RGMB: variants seen among roughly 807,000 people sequenced by gnomAD.
RGMB encodes repulsive guidance molecule B.
A neutral mutation model predicts 26.9 loss-of-function variants in RGMB; 16 were observed. The ratio of observed to expected loss-of-function variants is 0.60; its 90% confidence interval spans 0.40 to 0.90. The LOEUF is 0.90. Among genes scored for constraint, RGMB ranks in the 40% least tolerant of loss-of-function variants. RGMB has a pLI of 0.00. For synonymous variants in RGMB, 225 were observed against 229.3 expected (o/e 0.98, Z 0.17); for missense variants, 512 against 573.3 (o/e 0.89, Z 1.09).
chr5:98,792,845 G>C (rs970544679), intron 2 of RGMB: 3 of 324,888 alleles, frequency 9.2e-6, no homozygotes, highest in African/African-American at 2.1e-5. Context: ...TCTTAGGAAA[G>C]TAAAAAAGTT....
At chr5:98,785,284 C>G (rs1213735114) in intron 2 of RGMB, among the ~76,000 whole-genome samples, 1 of 152,204 alleles carries the variant, frequency 6.6e-6, no homozygotes, top group Non-Finnish European at 1.5e-5. Flanking sequence ...TCAATCTAAG[C>G]ACATAACTAA....
At chr5:98,787,394 G>A (rs983253532) in intron 2 of RGMB, among the ~76,000 whole-genome samples, 1 of 152,220 alleles carries the variant, frequency 6.6e-6, no homozygotes, top group Non-Finnish European at 1.5e-5. Context: ...CGGGTCTGTA[G>A]TCCTGCCACC....
chr5:98,774,151 C>A lies in RGMB; in HGVS notation c.81C>A (p.Pro27=). The A allele has an allele frequency of 3.3e-6, 5 of 1,497,542 alleles. No individual in the cohort carries two copies. Among genetic ancestry groups the A allele is most frequent in the Non-Finnish European group, 4.4e-6 (5 of 1,129,540 alleles). The allele number at this position is 1,497,542 out of a possible 1,614,324, so 92.8% of individuals were successfully genotyped here. A position where few individuals can be genotyped will look rare whatever the true frequency, so the allele number is the denominator to read the frequency against. The change falls in exon 1 of 3, where the codon CCC becomes CCA. Residue 27 remains proline (P), a synonymous_variant. Transcript: ENST00000513185. ...AGCGCCGCAGCCCCGGGCTCTGCCCCCCGCCGCTGGAGCTGCTGCTGCTGC... is the reference window on the plus strand; with the variant it reads ...AGCGCCGCAGCCCCGGGCTCTGCCCACCGCCGCTGGAGCTGCTGCTGCTGC... The part of the protein sequence containing the change: ...VEQRRSPGLC[P]PPLELLLLLL...
chr5:98,773,942 CG>C lies in RGMB; in HGVS notation c.-126del. Reference sequence around the variant, plus strand: ...CGGTGGTGGCGCCCCATCTGCTACACGGGCCTGAAGAAGGAAGAAGAGGAAG... The same window carrying C: ...CGGTGGTGGCGCCCCATCTGCTACACGGCCTGAAGAAGGAAGAAGAGGAAG... On this transcript the variant is annotated 5_prime_UTR_variant, in exon 1 of 3. The change abolishes the stop of an existing upstream ORF in the 5' untranslated region. Coordinates refer to ENST00000513185, the MANE Select transcript of RGMB (RefSeq NM_001366508.1). 8.3e-6 allele frequency: 5 copies of C among 601,010 alleles called. No homozygotes were observed. The highest frequency in any genetic ancestry group is 1.5e-5 in the Non-Finnish European group (5 of 333,664). 37.2% of individuals were successfully genotyped at this position (601,010 alleles called of 1,614,324 possible).
chr5:98,779,432 T>G, intron 1 of RGMB, 148 bp from the exon 2 acceptor site: 1 of 711,700 alleles, frequency 1.4e-6, no homozygotes, highest in South Asian at 4.6e-5. Flanking sequence ...AGGAACACAA[T>G]GAAACCCTGT....
chr5:98,790,071 A>G (rs910763678), intron 2 of RGMB, among the ~76,000 whole-genome samples: 11 of 152,256 alleles, frequency 7.2e-5, no homozygotes, highest in Admixed American at 2.6e-4. Flanking sequence ...CTTGCCCTTC[A>G]TTGGCTGAGT....
At chr5:98,792,057 T>C (rs74747278) in intron 2 of RGMB, among the ~76,000 whole-genome samples, 5,233 of 152,300 alleles carry the variant, frequency 0.034, 133 homozygotes, top group Middle Eastern at 0.088. Context: ...GTTTAGGGTA[T>C]TCAGTCTCTG....
intron 2 of RGMB, among the ~76,000 whole-genome samples, chr5:98,789,701 G>A (rs992634151): frequency 1.2e-4 from 18 of 148,176 alleles, no homozygotes; most frequent in African/African-American, 8.0e-5. Flanking sequence ...TGGGGGTTGA[G>A]AGGGGCTGGG....
Position 98,790,937 on chromosome 5 carries a change from G to T in RGMB, c.646-2148G>T, listed in dbSNP as rs559489712. Among the ~76,000 whole-genome samples the T allele has an allele frequency of 2.9e-3, 437 of 151,976 alleles. 2 individuals are homozygous for T. The highest frequency in any genetic ancestry group is 0.01 in the African/African-American group (426 of 41,454). ...TATTGTTGACTTTCAACTTTTTCAG[G>T]TGCAAAATTTTCTTGAATCAATCTT... On this transcript the variant is annotated intron_variant, in intron 2 of 2. Transcript: ENST00000513185.
In RGMB at chr5:98,774,141, G is replaced by A. The variant is rs921279140; in HGVS notation, c.71G>A (p.Gly24Glu). Residue 24 changes from glycine to glutamate, a missense_variant, in exon 1 of 3, where the codon GGG becomes GAG. Coordinates refer to ENST00000513185, the MANE Select transcript of RGMB (RefSeq NM_001366508.1). Reference sequence around the variant, plus strand: ...GAGGTTGAGCAGCGCCGCAGCCCCGGGCTCTGCCCCCCGCCGCTGGAGCTG... The same window carrying A: ...GAGGTTGAGCAGCGCCGCAGCCCCGAGCTCTGCCCCCCGCCGCTGGAGCTG... ...AAEVEQRRSPGLCPPPLELLL... is the reference protein window; with the variant it reads ...AAEVEQRRSPELCPPPLELLL... The A allele has an allele frequency of 2.1e-4, 312 of 1,488,572 alleles. 2 individuals are homozygous for A. The highest frequency in any genetic ancestry group is 9.5e-4 in the Admixed American group (45 of 47,614). The allele number at this position is 1,488,572 out of a possible 1,614,324, so 92.2% of individuals were successfully genotyped here. A position where few individuals can be genotyped will look rare whatever the true frequency, so the allele number is the denominator to read the frequency against.
chr5:98,790,419 G>GT (rs1173814751), intron 2 of RGMB, among the ~76,000 whole-genome samples: 1 of 152,162 alleles, frequency 6.6e-6, no homozygotes, highest in African/African-American at 2.4e-5. Flanking sequence ...AATCTTTTAG[G>GT]TTAACTAGGA....
chr5:98,784,766 T>TC (rs1746719843), intron 2 of RGMB, among the ~76,000 whole-genome samples: 1 of 152,258 alleles, frequency 6.6e-6, no homozygotes, highest in African/African-American at 2.4e-5. Flanking sequence ...CCATGTGAGC[T>TC]ACATAGTGTT....
chr5:98,783,632 CTG>C (rs1453660576), intron 2 of RGMB, among the ~76,000 whole-genome samples: 2 of 152,152 alleles, frequency 1.3e-5, no homozygotes, highest in Non-Finnish European at 2.9e-5. Flanking sequence ...CTTTATATCT[CTG>C]TTTAAGTGGG....
chr5:98,774,225 AG>A lies in RGMB; in HGVS notation c.136+23del. The A allele has an allele frequency of 7.1e-7, 1 of 1,403,400 alleles. No homozygotes were observed. The highest frequency in any genetic ancestry group is 9.2e-7 in the Non-Finnish European group (1 of 1,085,412). 86.9% of individuals were successfully genotyped at this position (1,403,400 alleles called of 1,614,324 possible). A position where few individuals can be genotyped will look rare whatever the true frequency, so the allele number is the denominator to read the frequency against. ...CACGCAGGTAGGACGGGAGCGCGCG[AG>A]GGGAGCCAGCCCCGGGGCCTAGGGC... On this transcript the variant is annotated intron_variant, in intron 1 of 2. Coordinates refer to ENST00000513185, the MANE Select transcript of RGMB (RefSeq NM_001366508.1).
chr5:98,786,698 T>G (rs1048436016), intron 2 of RGMB, among the ~76,000 whole-genome samples: 2 of 152,216 alleles, frequency 1.3e-5, no homozygotes, highest in Non-Finnish European at 2.9e-5. Flanking sequence ...TGGGGTAACT[T>G]AAGGACTTTT....
chr5:98,787,032 G>T (rs1360731722), intron 2 of RGMB, among the ~76,000 whole-genome samples: 5 of 151,866 alleles, frequency 3.3e-5, no homozygotes, highest in Non-Finnish European at 5.9e-5. Flanking sequence ...ATGGGGGTCA[G>T]TTTCCATTTA....
chr5:98,777,207 T>C (rs755849760), intron 1 of RGMB, among the ~76,000 whole-genome samples: 2 of 152,190 alleles, frequency 1.3e-5, no homozygotes, highest in Non-Finnish European at 2.9e-5. Context: ...ATTTCCATAC[T>C]GTTCGTTTGA....
chr5:98,781,058 T>C (rs911755039), intron 2 of RGMB: 2 of 152,266 alleles, frequency 1.3e-5, no homozygotes, highest in African/African-American at 4.8e-5. Context: ...TTTAGTTTTT[T>C]AATGTAATTG....
At chr5:98,770,693 T>C, upstream of RGMB, 11 of 1,427,492 alleles carry the variant, frequency 7.7e-6, no homozygotes, top group Non-Finnish European at 1.0e-5. Flanking sequence ...GGCACTTGAT[T>C]TCTCAAGTCG....
Sources: allele counts gnomAD v4.1 joint callset (sites outside exome capture counted in the v4.1 genomes callset), GRCh38; gene constraint gnomAD v4.1.1; transcripts MANE v1.5; gene names NCBI Gene and HGNC (gene_info 2026-07-23, HGNC 2026-07-21).